The following NXPE3 variants were observed in gnomAD, a reference collection of about 807,000 sequenced individuals.
NXPE3 encodes the protein neurexophilin and PC-esterase domain family member 3, also known as NXPE family member 3.
Under a neutral mutation model 46.1 loss-of-function variants are expected in NXPE3, and 26 were observed. The ratio of observed to expected loss-of-function variants is 0.56; its 90% CI spans 0.41 to 0.78. The LOEUF (loss-of-function observed/expected upper bound fraction) is 0.78, where lower values mean the gene tolerates loss of function less well. Among genes scored for constraint, NXPE3 ranks in the 30% least tolerant of loss-of-function variants. The pLI, the probability that NXPE3 is intolerant of heterozygous loss-of-function variation, is 0.00. For synonymous variants in NXPE3, 272 were observed against 257.9 expected (o/e 1.05, Z -0.52); for missense variants, 620 against 686.0 (o/e 0.90, Z 1.07).
intron 4 of NXPE3, among the ~76,000 whole-genome samples, chr3:101,791,652 A>T (rs1940526404): frequency 6.6e-6 from 1 of 152,204 alleles, no homozygotes; most frequent in Non-Finnish European, 1.5e-5. Context: ...CTGAGATTAC[A>T]GGTGTGAGCC....
At chr3:101,795,174 T>A (rs961594006) in intron 4 of NXPE3, among the ~76,000 whole-genome samples, 1 of 152,232 alleles carries the variant, frequency 6.6e-6, no homozygotes, top group Non-Finnish European at 1.5e-5. Flanking sequence ...TATACTCTTA[T>A]GATTGGAGTA....
chr3:101,813,649 C>T (rs1448788929), intron 6 of NXPE3, among the ~76,000 whole-genome samples: 2 of 152,210 alleles, frequency 1.3e-5, no homozygotes, highest in Admixed American at 1.3e-4. Context: ...ACAACCACCT[C>T]TGTTTAAACT....
At position 101,801,902 on chromosome 3, in the gene NXPE3, A is replaced by C. The variant is rs773405177; in HGVS notation, c.761A>C (p.Lys254Thr). The C allele has an allele frequency of 6.2e-7, 1 of 1,614,146 alleles. No individual in the cohort carries two copies. The highest frequency in any genetic ancestry group is 8.5e-7 in the Non-Finnish European group (1 of 1,180,012). Residue 254 changes from lysine (K) to threonine (T), a missense_variant, in exon 5 of 8, where the codon AAG becomes ACG. Coordinates refer to ENST00000273347, the MANE Select transcript of NXPE3 (RefSeq NM_145037.4). ...GEPWFCFKPK[K>T]LPCSSRITHF... ...CCCTGGTTCTGCTTCAAACCAAAGA[A>C]GCTCCCTTGCAGCAGCAGAATTACC...
chr3:101,796,544 G>T (rs1241038012), intron 4 of NXPE3, among the ~76,000 whole-genome samples: 1 of 152,240 alleles, frequency 6.6e-6, no homozygotes, highest in African/African-American at 2.4e-5. Context: ...CATGGTGCAT[G>T]ATTTGGTCCT....
intron 4 of NXPE3, among the ~76,000 whole-genome samples, chr3:101,787,337 C>T (rs1386142534): frequency 6.6e-6 from 1 of 152,150 alleles, no homozygotes; most frequent in Non-Finnish European, 1.5e-5. Context: ...GACAGAGTCT[C>T]GCTCTGTTGC....
At chr3:101,801,115 G>A (rs1252064870) in intron 4 of NXPE3, 120 bp from the exon 5 acceptor site, 3 of 1,089,030 alleles carry the variant, frequency 2.8e-6, no homozygotes, top group Admixed American at 2.3e-5. Context: ...TTCACTGTGA[G>A]AATCTGATTG....
At chr3:101,781,521 T>A (rs1443501596) in intron 1 of NXPE3, among the ~76,000 whole-genome samples, 1 of 152,154 alleles carries the variant, frequency 6.6e-6, no homozygotes, top group Non-Finnish European at 1.5e-5. Flanking sequence ...CCACTATGAG[T>A]CTTGGATATG....
chr3:101,807,282 C>T (rs992971485), intron 6 of NXPE3, among the ~76,000 whole-genome samples, 156 bp downstream of exon 6: 1 of 152,028 alleles, frequency 6.6e-6, no homozygotes, highest in Non-Finnish European at 1.5e-5. Context: ...AAAATCAGAT[C>T]TTATGTGCAT....
At chr3:101,783,219 G>A (rs985029148) in intron 3 of NXPE3, among the ~76,000 whole-genome samples, 14 of 152,080 alleles carry the variant, frequency 9.2e-5, no homozygotes, top group Admixed American at 2.6e-4. Flanking sequence ...CCGCCACCAC[G>A]CCCAGCTAAT....
At chr3:101,785,798 C>G in intron 4 of NXPE3, 109 bp downstream of exon 4, 1 of 830,022 alleles carries the variant, frequency 1.2e-6, no homozygotes, top group Non-Finnish European at 2.1e-6. Context: ...AGTCACAGTT[C>G]TTGTTTTCAT....
At chr3:101,785,157 A>G (rs1005552950) in intron 3 of NXPE3, among the ~76,000 whole-genome samples, 1 of 152,208 alleles carries the variant, frequency 6.6e-6, no homozygotes, top group African/African-American at 2.4e-5. Flanking sequence ...TACTTTCTTA[A>G]AAGTTAAAAC....
At chr3:101,814,392 C>T (rs1457795059) in intron 6 of NXPE3, among the ~76,000 whole-genome samples, 6 of 152,206 alleles carry the variant, frequency 3.9e-5, no homozygotes, top group South Asian at 2.1e-4. Flanking sequence ...CTTTGATAAT[C>T]GCATTTGCCA....
At chr3:101,809,045 C>T (rs1941589264) in intron 6 of NXPE3, among the ~76,000 whole-genome samples, 1 of 151,384 alleles carries the variant, frequency 6.6e-6, no homozygotes, top group Non-Finnish European at 1.5e-5. Flanking sequence ...TGTGATGTCC[C>T]TAGGTGTCCC....
At chr3:101,802,137 A>C (rs557100998) in intron 5 of NXPE3, 148 bp downstream of exon 5, 16 of 682,840 alleles carry the variant, frequency 2.3e-5, no homozygotes, top group South Asian at 8.0e-5. Context: ...TAAAAAAAAA[A>C]ACATAGATTT....
intron 6 of NXPE3, among the ~76,000 whole-genome samples, chr3:101,808,565 G>T (rs927431406): frequency 6.6e-6 from 1 of 151,912 alleles, no homozygotes. Flanking sequence ...CCGTAGATTT[G>T]TTTTTCCAAG....
chr3:101,790,576 C>G (rs1445110026), intron 4 of NXPE3, among the ~76,000 whole-genome samples: 4 of 151,992 alleles, frequency 2.6e-5, no homozygotes, highest in African/African-American at 7.3e-5. Flanking sequence ...GCAAGTATAT[C>G]TTTTTCCATA....
At position 101,822,175 on chromosome 3, in the gene NXPE3, T is replaced by G; in HGVS notation, c.*221T>G. 1 of 506,502 alleles carries G rather than the reference T, an allele frequency of 2.0e-6. No individual in the cohort carries two copies. 31.4% of individuals were successfully genotyped at this position (506,502 alleles called of 1,614,324 possible). A position where few individuals can be genotyped will look rare whatever the true frequency, so the allele number is the denominator to read the frequency against. On this transcript the variant is annotated 3_prime_UTR_variant, in exon 8 of 8. Coordinates refer to ENST00000273347, the MANE Select transcript of NXPE3 (RefSeq NM_145037.4). ...AATGTTGACTTAGCCATGGTAGAAC[T>G]CTTAACTGCATCTACACACTATATT...
intron 6 of NXPE3, 43 bp from the exon 7 acceptor site, chr3:101,816,752 G>T: frequency 7.0e-7 from 1 of 1,431,896 alleles, no homozygotes. Context: ...ATCTATTGTT[G>T]GAGGAGAATA....
intron 4 of NXPE3, among the ~76,000 whole-genome samples, chr3:101,789,887 C>G (rs907846620): frequency 6.6e-6 from 1 of 152,214 alleles, no homozygotes; most frequent in African/African-American, 2.4e-5. Flanking sequence ...GATGGGGTCT[C>G]ACTATGTTGT....
Sources: allele counts gnomAD v4.1 joint callset (sites outside exome capture counted in the v4.1 genomes callset), GRCh38; gene constraint gnomAD v4.1.1; transcripts MANE v1.5; gene names NCBI Gene and HGNC (gene_info 2026-07-23, HGNC 2026-07-21).